Variants in TMEM221 observed in about 807,000 individuals in gnomAD.
TMEM221 encodes the protein Putative transmembrane protein ENSP00000342162.
A neutral mutation model predicts 10.2 loss-of-function variants in TMEM221; 11 were observed. The observed-to-expected ratio is 1.08, with a 90% CI of 0.68 to 1.79. The LOEUF is 1.79. Ranked by LOEUF, TMEM221 falls within the 40% of genes most tolerant of loss-of-function variation. The pLI is 0.00. For synonymous variants in TMEM221, 172 were observed against 199.8 expected (o/e 0.86, Z 1.18); for missense variants, 382 against 417.7 (o/e 0.91, Z 0.75).
chr19:17,448,592 A>G lies in TMEM221; in HGVS notation c.-130T>C. ...GGCGGGGCCGCAGGGAGTGTCTGAA[A>G]GTTCGGGGACTGGGCTGGGGGTCGC... On this transcript the variant is annotated 5_prime_UTR_variant, in exon 1 of 3. Coordinates refer to ENST00000341130, the MANE Select transcript of TMEM221 (RefSeq NM_001190844.2). This position sits in a 1 kb window ranked among gnomAD's most constrained non-coding sequence, Gnocchi z 4.7. 1.6e-6 allele frequency: 1 copy of G among 610,794 alleles called. No homozygotes were observed. Among genetic ancestry groups the G allele is most frequent in the East Asian group, 4.0e-5 (1 of 24,996 alleles). The allele number at this position is 610,794 out of a possible 1,614,324, so 37.8% of individuals were successfully genotyped here. A position where few individuals can be genotyped will look rare whatever the true frequency, so the allele number is the denominator to read the frequency against.
At chr19:17,444,127 G>A (rs1230167866) in intron 2 of TMEM221, among the ~76,000 whole-genome samples, 1 of 138,950 alleles carries the variant, frequency 7.2e-6, no homozygotes, top group Non-Finnish European at 1.5e-5. Flanking sequence ...TGTTGCCCAG[G>A]CTGGAGTGCA....
chr19:17,444,080 T>A (rs2074942714), intron 2 of TMEM221, among the ~76,000 whole-genome samples: 1 of 140,470 alleles, frequency 7.1e-6, no homozygotes, highest in African/African-American at 2.6e-5. Context: ...TCTTTTTTTT[T>A]TTTTTTTTTT....
At chr19:17,438,595 C>T (rs1165317978) in intron 2 of TMEM221, among the ~76,000 whole-genome samples, 5 of 127,776 alleles carry the variant, frequency 3.9e-5, no homozygotes, top group African/African-American at 1.2e-4. Context: ...CCTGCTCTAT[C>T]TTTTTTTTTT....
intron 2 of TMEM221, among the ~76,000 whole-genome samples, chr19:17,440,880 C>A (rs895785468): frequency 6.6e-6 from 1 of 152,102 alleles, no homozygotes; most frequent in African/African-American, 2.4e-5. Context: ...TTCACAACCC[C>A]TCTCTGGCCT....
Position 17,436,514 on chromosome 19 carries a change from G to C in TMEM221, c.820C>G (p.Arg274Gly), listed in dbSNP as rs760613284. Residue 274 changes from arginine (R) to glycine (G), a missense_variant, in exon 3 of 3, where the codon CGT becomes GGT. Coordinates refer to ENST00000341130, the MANE Select transcript of TMEM221 (RefSeq NM_001190844.2). Reference protein sequence around the residue: ...GHWDGVTHEMRRMLGHRPGSM... With the variant: ...GHWDGVTHEMGRMLGHRPGSM... ...CCTGGTCTGTGGCCCAGCATTCGACGCATCTCGTGCGTAACCCCGTCCCAG... is the reference window on the plus strand; with the variant it reads ...CCTGGTCTGTGGCCCAGCATTCGACCCATCTCGTGCGTAACCCCGTCCCAG... 1.3e-6 allele frequency: 2 copies of C among 1,535,046 alleles called. No homozygotes were observed. Among genetic ancestry groups the C allele is most frequent in the Non-Finnish European group, 1.7e-6 (2 of 1,146,186 alleles).
chr19:17,448,097 C>T lies in TMEM221; in HGVS notation c.320+46G>A. 2.3e-6 allele frequency: 3 copies of T among 1,307,104 alleles called. No homozygotes were observed. The highest frequency in any genetic ancestry group is 2.0e-5 in the South Asian group (1 of 51,158). 81.0% of individuals were successfully genotyped at this position (1,307,104 alleles called of 1,614,324 possible). On this transcript the variant is annotated intron_variant, in intron 1 of 2. Coordinates refer to ENST00000341130, the MANE Select transcript of TMEM221 (RefSeq NM_001190844.2). This position sits in a 1 kb window ranked among gnomAD's most constrained non-coding sequence, Gnocchi z 4.7. The stretch of plus-strand genomic sequence containing the variant: ...GGGGAAGAGGCTCAACCAGGCTCAC[C>T]CAGCCCCCAGCCGGGCCTCCGAGGC...
intron 2 of TMEM221, among the ~76,000 whole-genome samples, chr19:17,442,343 C>T (rs1046021610): frequency 2.6e-5 from 4 of 152,110 alleles, no homozygotes; most frequent in East Asian, 1.9e-4. Context: ...CTGCAACCTC[C>T]GCCCCCTGGG....
At position 17,448,271 on chromosome 19, in the gene TMEM221, G is replaced by A. The variant is rs1485513667; in HGVS notation, c.192C>T (p.Ala64=). Residue 64 remains alanine, a synonymous_variant, in exon 1 of 3, where the codon GCC becomes GCT. Transcript: ENST00000341130. This position sits in a 1 kb window ranked among gnomAD's most constrained non-coding sequence, Gnocchi z 4.7. Reference sequence around the variant, plus strand: ...CGGCGGCCAGCGGCAGCAGCGTCCCGGCCGCGTCCTCTGGCAGCCCGGGGC... The same window carrying A: ...CGGCGGCCAGCGGCAGCAGCGTCCCAGCCGCGTCCTCTGGCAGCCCGGGGC... ...GAGPGLPEDA[A]GTLLPLAAAL... is the part of the protein sequence containing the mutation. The A allele has an allele frequency of 2.4e-6, 3 of 1,236,624 alleles. No individual in the cohort carries two copies. The highest frequency in any genetic ancestry group is 3.0e-6 in the Non-Finnish European group (3 of 990,310). The allele number at this position is 1,236,624 out of a possible 1,614,324, so 76.6% of individuals were successfully genotyped here.
At chr19:17,445,160 C>A in intron 2 of TMEM221, 39 bp downstream of exon 2, 1 of 1,508,096 alleles carries the variant, frequency 6.6e-7, no homozygotes, top group Non-Finnish European at 8.9e-7. Context: ...CTCTACCCAG[C>A]CCAGGGTCCC....
intron 2 of TMEM221, among the ~76,000 whole-genome samples, chr19:17,443,484 C>T (rs1640464047): frequency 6.6e-6 from 1 of 151,600 alleles, no homozygotes; most frequent in Admixed American, 6.6e-5. Flanking sequence ...TGCCACCAGG[C>T]CCAGCTAATT....
intron 2 of TMEM221, among the ~76,000 whole-genome samples, chr19:17,442,492 T>C (rs989912155): frequency 1.3e-5 from 2 of 150,046 alleles, no homozygotes; most frequent in Non-Finnish European, 3.0e-5. Flanking sequence ...CAGGCTGGAG[T>C]GCAGTGGCAT....
Position 17,436,817 on chromosome 19 carries a change from GGA to G in TMEM221, c.515_516del (p.Leu172ProfsTer13), listed in dbSNP as rs2074911304. The G allele has an allele frequency of 2.7e-6, 4 of 1,503,498 alleles. No individual in the cohort carries two copies. The highest frequency in any genetic ancestry group is 3.5e-6 in the Non-Finnish European group (4 of 1,127,784). 93.1% of individuals were successfully genotyped at this position (1,503,498 alleles called of 1,614,324 possible). A position where few individuals can be genotyped will look rare whatever the true frequency, so the allele number is the denominator to read the frequency against. ...CGGCGGGCAGCCCGGGCAGCCCGGA[GGA>G]GAGTGTGGGTCAGCACAGCCACCAG... ...LVLVAVLTHTLLRAARAARRG... is the reference protein window; with the variant it reads ...LVLVAVLTHTXLRAARAARRG... On this transcript the variant is annotated frameshift_variant, in exon 3 of 3. Coordinates refer to ENST00000341130, the MANE Select transcript of TMEM221 (RefSeq NM_001190844.2). LOFTEE classifies it low-confidence loss of function (END_TRUNC).
Position 17,436,353 on chromosome 19 carries a change from A to G in TMEM221, c.*105T>C, listed in dbSNP as rs2074908010. The stretch of plus-strand genomic sequence containing the variant: ...CTTGAGGACAAAAGCCAAGGATGCA[A>G]TAAAATGAGAGAAAAATCAAGTCCT... On this transcript the variant is annotated 3_prime_UTR_variant, in exon 3 of 3. Transcript: ENST00000341130. 2 of 1,163,722 alleles carry G rather than the reference A, an allele frequency of 1.7e-6. No homozygotes were observed. The highest frequency in any genetic ancestry group is 1.6e-5 in the African/African-American group (1 of 64,064). 72.1% of individuals were successfully genotyped at this position (1,163,722 alleles called of 1,614,324 possible).
rs914260961 is a variant in TMEM221 at position 17,436,858 on chromosome 19, G to A, written c.476C>T (p.Ser159Leu). ...TGAAAASILG[S>L]GTLVLVAVLT... ...CACAGCCACCAGAACCAGGGTGCCC[G>A]AGCCGAGGATGGAAGCAGCTGCTGC... Residue 159 changes from serine (S) to leucine (L), a missense_variant, in exon 3 of 3, where the codon TCG becomes TTG. Transcript: ENST00000341130. 10 of 1,454,528 alleles carry A rather than the reference G, an allele frequency of 6.9e-6. No individual in the cohort carries two copies. In the Admixed American group the frequency reaches 7.8e-5, roughly 11 times the overall value. 90.1% of individuals were successfully genotyped at this position (1,454,528 alleles called of 1,614,324 possible). A position where few individuals can be genotyped will look rare whatever the true frequency, so the allele number is the denominator to read the frequency against.
rs1336716224 is a variant in TMEM221 at position 17,436,904 on chromosome 19, G to A, written c.430C>T (p.Leu144Phe). 2.1e-6 allele frequency: 3 copies of A among 1,430,036 alleles called. No individual in the cohort carries two copies. Among genetic ancestry groups the A allele is most frequent in the Middle Eastern group, 1.8e-4 (1 of 5,530 alleles). The allele number at this position is 1,430,036 out of a possible 1,614,324, so 88.6% of individuals were successfully genotyped here. ...LAALSIYALL[L>F]FEIETGAAAA... ...GCTGCGCCTGTCTCGATCTCGAAAA[G>A]TAGCAAGGCATAGATGGACAGTGCT... Residue 144 changes from leucine (L) to phenylalanine (F), a missense_variant, in exon 3 of 3, where the codon CTT (leucine) becomes TTT (phenylalanine). By Grantham distance (22) the Leu-to-Phe change is conservative (BLOSUM62 0). Transcript: ENST00000341130.
intron 1 of TMEM221, 43 bp from the exon 2 acceptor site, chr19:17,445,327 G>T (rs944422491): frequency 6.7e-7 from 1 of 1,494,196 alleles, no homozygotes; most frequent in African/African-American, 1.4e-5. Flanking sequence ...TCAGGAAGTG[G>T]AGCTGGTGGG....
chr19:17,436,658 G>C lies in TMEM221; in HGVS notation c.676C>G (p.Pro226Ala). 3 of 1,535,874 alleles carry C rather than the reference G, an allele frequency of 2.0e-6. No homozygotes were observed. The highest frequency in any genetic ancestry group is 2.6e-6 in the Non-Finnish European group (3 of 1,146,726). The change falls in exon 3 of 3, where the codon CCT becomes GCT. Residue 226 changes from proline to alanine, a missense_variant. Coordinates refer to ENST00000341130, the MANE Select transcript of TMEM221 (RefSeq NM_001190844.2). ...RRTPYSTCPE[P>A]GDPFGSMATA... ...GCCATGGACCCAAAGGGGTCCCCAG[G>C]CTCTGGACAGGTTGAATAGGGGGTC...
At chr19:17,443,167 G>C (rs1272659859) in intron 2 of TMEM221, among the ~76,000 whole-genome samples, 1 of 152,004 alleles carries the variant, frequency 6.6e-6, no homozygotes, top group Non-Finnish European at 1.5e-5. Context: ...TGTAGTCCCA[G>C]CTACTCAGGA....
At position 17,436,926 on chromosome 19, in the gene TMEM221, T is replaced by A. The variant is rs1467339554; in HGVS notation, c.408A>T (p.Ala136=). ...AAAGTAGCAAGGCATAGATGGACAGTGCTAGGGAAGGAAACGACTCTCATT... is the reference window on the plus strand; with the variant it reads ...AAAGTAGCAAGGCATAGATGGACAGAGCTAGGGAAGGAAACGACTCTCATT... ...FCCGISVYLA[A]LSIYALLLFE... is the part of the protein sequence containing the mutation. The change falls in exon 3 of 3, where the codon GCA becomes GCT. Residue 136 remains alanine, a splice_region_variant and synonymous_variant. Transcript: ENST00000341130. 7.1e-7 allele frequency: 1 copy of A among 1,407,238 alleles called. No individual in the cohort carries two copies. The highest frequency in any genetic ancestry group is 3.0e-5 in the Admixed American group (1 of 32,958). The allele number at this position is 1,407,238 out of a possible 1,614,324, so 87.2% of individuals were successfully genotyped here. A position where few individuals can be genotyped will look rare whatever the true frequency, so the allele number is the denominator to read the frequency against.
Sources: allele counts gnomAD v4.1 joint callset (sites outside exome capture counted in the v4.1 genomes callset), GRCh38; gene constraint gnomAD v4.1.1; non-coding constraint Gnocchi (gnomAD v3.1); transcripts MANE v1.5; gene names NCBI Gene and HGNC (gene_info 2026-07-23, HGNC 2026-07-21).